Variants in CLCN6 observed in about 807,000 individuals in gnomAD.
The protein encoded by CLCN6 is Cl-/H+ antiporter 6.
In CLCN6, 70 loss-of-function variants were observed where a neutral mutation model predicts 109.8. The ratio of observed to expected loss-of-function variants is 0.64; its 90% confidence interval spans 0.53 to 0.78. The LOEUF (loss-of-function observed/expected upper bound fraction) is 0.78. CLCN6 is among the 30% of genes least tolerant of loss of function. The pLI, the probability that CLCN6 is intolerant of heterozygous loss-of-function variation, is 0.00. For missense variants in CLCN6, 984 were observed against 1,142.3 expected (o/e 0.86, Z 2.00); for synonymous variants, 444 against 447.8 (o/e 0.99, Z 0.11).
In CLCN6 at chr1:11,821,167, TAAC is replaced by T. The variant is rs544724212; in HGVS notation, c.347-1522_347-1520del. On this transcript the variant is annotated intron_variant, in intron 5 of 22. Transcript: ENST00000346436. ...TATTTATAAAGACAAAAACTCCAAA[TAAC>T]AACAATAAAACACCATAAATAAAGT... Among the ~76,000 whole-genome samples the T allele has an allele frequency of 3.6e-3, 544 of 150,238 alleles. 1 individual carries two copies. Among genetic ancestry groups the T allele is most frequent in the Non-Finnish European group, 6.0e-3 (404 of 67,484 alleles).
intron 22 of CLCN6, among the ~76,000 whole-genome samples, chr1:11,839,812 C>G (rs1338137144): frequency 1.3e-5 from 2 of 152,206 alleles, no homozygotes; most frequent in Admixed American, 1.3e-4. Context: ...TGGCAGGGGT[C>G]ATAATCTCAG....
chr1:11,827,496 C>T (rs1487441790), intron 10 of CLCN6, among the ~76,000 whole-genome samples: 5 of 141,548 alleles, frequency 3.5e-5, no homozygotes, highest in Admixed American at 7.5e-5. Flanking sequence ...AGGGCAGTGA[C>T]GCGATCTCGG....
chr1:11,838,180 T>C (rs1644973756), intron 20 of CLCN6, among the ~76,000 whole-genome samples, 155 bp from the exon 21 acceptor site: 1 of 152,202 alleles, frequency 6.6e-6, no homozygotes, highest in Non-Finnish European at 1.5e-5. Context: ...TTGGTTTGAC[T>C]GGAGAGCTCT....
chr1:11,839,839 C>G (rs1200346795), intron 22 of CLCN6, among the ~76,000 whole-genome samples: 2 of 152,330 alleles, frequency 1.3e-5, no homozygotes, highest in South Asian at 2.1e-4. Context: ...TCAAGGGCCC[C>G]ACCGCTTGCA....
chr1:11,809,431 T>C lies in CLCN6; in HGVS notation c.147+2241T>C, dbSNP rs138809991. ...GTAATGTGCTTGCCTTCAGCTGATA[T>C]GCATATTCATGTAAATTTTTGTTGT... On this transcript the variant is annotated intron_variant, in intron 2 of 22. Coordinates refer to ENST00000346436, the MANE Select transcript of CLCN6 (RefSeq NM_001286.5). 2.4e-3 allele frequency among the ~76,000 whole-genome samples: 369 copies of C among 152,270 alleles called. 3 individuals carry two copies. The highest frequency in any genetic ancestry group is 8.3e-3 in the African/African-American group (344 of 41,558).
intron 18 of CLCN6, 68 bp downstream of exon 18, chr1:11,836,221 C>CCTG: frequency 6.9e-7 from 1 of 1,449,952 alleles, no homozygotes; most frequent in Non-Finnish European, 9.3e-7. Flanking sequence ...CGGCTTAGTG[C>CCTG]TTTGCCCACC....
intron 22 of CLCN6, chr1:11,839,072 TC>T: frequency 3.4e-6 from 2 of 594,624 alleles, no homozygotes; most frequent in Non-Finnish European, 6.0e-6. Context: ...TTTCCTTTTT[TC>T]TTCTTTTTAG....
At position 11,826,197 on chromosome 1, in the gene CLCN6, C is replaced by T. The variant is rs1157418829; in HGVS notation, c.690C>T (p.Pro230=). The change falls in exon 9 of 23, where the codon CCC becomes CCT. Residue 230 remains proline (P), a synonymous_variant. Coordinates refer to ENST00000346436, the MANE Select transcript of CLCN6 (RefSeq NM_001286.5). ...ISLRKIQFNF[P]YFRSDRDKRD... is the part of the protein sequence containing the mutation. ...TACGGAAGATCCAGTTTAACTTCCC[C>T]TATTTCCGAAGCGACAGGTATGGAA... is the stretch of plus-strand genomic sequence containing the variant. The T allele has an allele frequency of 3.1e-6, 5 of 1,613,772 alleles. No homozygotes were observed. Among genetic ancestry groups the T allele is most frequent in the Non-Finnish European group, 4.2e-6 (5 of 1,179,798 alleles).
intron 13 of CLCN6, among the ~76,000 whole-genome samples, chr1:11,830,467 G>A (rs1557429331): frequency 6.6e-6 from 1 of 152,074 alleles, no homozygotes; most frequent in African/African-American, 2.4e-5. Context: ...CATTGTATTA[G>A]GGTATTATAA....
Position 11,806,275 on chromosome 1 carries a change from A to AG in CLCN6, c.18dup (p.Ser7ValfsTer14). 2 of 1,490,046 alleles carry AG rather than the reference A, an allele frequency of 1.3e-6. No homozygotes were observed. Among genetic ancestry groups the AG allele is most frequent in the Non-Finnish European group, 8.9e-7 (1 of 1,127,948 alleles). The allele number at this position is 1,490,046 out of a possible 1,614,324, so 92.3% of individuals were successfully genotyped here. ...GTAAAGGAGGAAGATGGCGGGGTGC[A>AG]GGGGGTCTCTGTGCTGCTGCTGCAG... is the stretch of plus-strand genomic sequence containing the variant. On this transcript the variant is annotated frameshift_variant, in exon 1 of 23. Coordinates refer to ENST00000346436, the MANE Select transcript of CLCN6 (RefSeq NM_001286.5). LOFTEE classifies it high-confidence loss of function.
At position 11,840,385 on chromosome 1, in the gene CLCN6, G is replaced by A. The variant is rs954449749; in HGVS notation, c.*162G>A. On this transcript the variant is annotated 3_prime_UTR_variant, in exon 23 of 23. Coordinates refer to ENST00000346436, the MANE Select transcript of CLCN6 (RefSeq NM_001286.5). ...GACACCTTGCTGGTCAGAGGTCCTG[G>A]GGGTGGTTTTGAACCATCAGAGCTT... is the stretch of plus-strand genomic sequence containing the variant. 7.4e-6 allele frequency: 5 copies of A among 678,020 alleles called. No individual in the cohort carries two copies. The allele number at this position is 678,020 out of a possible 1,614,324, so 42.0% of individuals were successfully genotyped here.
At chr1:11,819,151 T>G (rs920342979) in intron 4 of CLCN6, among the ~76,000 whole-genome samples, 1 of 152,270 alleles carries the variant, frequency 6.6e-6, no homozygotes. Context: ...CTTCTTCCAG[T>G]GTGGTCCAGG....
In CLCN6 at chr1:11,829,194, A is replaced by G. The variant is rs1176823866; in HGVS notation, c.1122-2A>G. The G allele has an allele frequency of 6.2e-7, 1 of 1,613,474 alleles. No individual in the cohort carries two copies. On this transcript the variant is annotated splice_acceptor_variant, in intron 12 of 22. Coordinates refer to ENST00000346436, the MANE Select transcript of CLCN6 (RefSeq NM_001286.5). LOFTEE classifies it high-confidence loss of function. ...TTGTAACAGCTGTGCTTTGCCTCCT[A>G]GAGTCTTAGAGAGCCTCCTTGTGTC...
intron 9 of CLCN6, among the ~76,000 whole-genome samples, chr1:11,826,574 A>C (rs982669521): frequency 1.3e-5 from 2 of 152,198 alleles, no homozygotes; most frequent in Non-Finnish European, 2.9e-5. Context: ...CTCTTAGTAG[A>C]CTTCTTAGCC....
intron 11 of CLCN6, 107 bp from the exon 12 acceptor site, chr1:11,828,351 C>T: frequency 6.8e-7 from 1 of 1,470,848 alleles, no homozygotes; most frequent in Non-Finnish European, 9.5e-7. Flanking sequence ...TTAGCCTCTG[C>T]CGTGCGGGAA....
At chr1:11,825,018 A>G (rs940506015) in intron 8 of CLCN6, among the ~76,000 whole-genome samples, 1 of 152,092 alleles carries the variant, frequency 6.6e-6, no homozygotes, top group Non-Finnish European at 1.5e-5. Flanking sequence ...CTTTCTCCTT[A>G]TAGCCACCTT....
At chr1:11,814,051 G>A (rs1447386137) in intron 2 of CLCN6, among the ~76,000 whole-genome samples, 1 of 152,070 alleles carries the variant, frequency 6.6e-6, no homozygotes, top group Non-Finnish European at 1.5e-5. Context: ...CATAAAAAAA[G>A]AATTTGGACT....
rs1411027023 is a variant in CLCN6 at position 11,807,131 on chromosome 1, AC to A, written c.90del (p.Ile31SerfsTer49). On this transcript the variant is annotated frameshift_variant and splice_region_variant, in exon 2 of 23. Coordinates refer to ENST00000346436, the MANE Select transcript of CLCN6 (RefSeq NM_001286.5). LOFTEE classifies it high-confidence loss of function. The part of the protein sequence containing the change: ...ERETRTPEEL[T>X]ILGETQEEED... ...TCCCTCTGCGGATCTGTTTTTCTAG[AC>A]CATCCTTGGAGAAACACAGGAGGAG... 1 of 1,614,172 alleles carries A rather than the reference AC, an allele frequency of 6.2e-7. No individual in the cohort carries two copies. Among genetic ancestry groups the A allele is most frequent in the Non-Finnish European group, 8.5e-7 (1 of 1,179,988 alleles).
intron 2 of CLCN6, among the ~76,000 whole-genome samples, chr1:11,809,760 A>G (rs1196640156): frequency 2.0e-5 from 3 of 152,214 alleles, no homozygotes; most frequent in African/African-American, 7.2e-5. Flanking sequence ...GCGTGGCCAT[A>G]TTCATGTACA....
Sources: allele counts gnomAD v4.1 joint callset (sites outside exome capture counted in the v4.1 genomes callset), GRCh38; gene constraint gnomAD v4.1.1; transcripts MANE v1.5; gene names NCBI Gene and HGNC (gene_info 2026-07-23, HGNC 2026-07-21).